The following FBXL5 variants were observed in gnomAD, a reference collection of about 807,000 sequenced individuals.
The protein encoded by FBXL5 is F-box/LRR-repeat protein 5.
A neutral mutation model predicts 78.3 loss-of-function variants in FBXL5; 26 were observed. That is an observed-to-expected ratio of 0.33 (90% CI 0.24 to 0.46). The LOEUF (loss-of-function observed/expected upper bound fraction) is 0.46, where lower values mean the gene tolerates loss of function less well. FBXL5 is among the 20% of genes least tolerant of loss of function. FBXL5 has a pLI of 1.00. For synonymous variants in FBXL5, 295 were observed against 282.5 expected (o/e 1.04, Z -0.45); for missense variants, 710 against 829.2 (o/e 0.86, Z 1.77).
At chr4:15,608,371 T>C (rs1215847588) in intron 10 of FBXL5, among the ~76,000 whole-genome samples, 1 of 152,050 alleles carries the variant, frequency 6.6e-6, no homozygotes, top group Non-Finnish European at 1.5e-5. Context: ...AGGGTCCACA[T>C]GCTCAGTTTC....
intron 1 of FBXL5, among the ~76,000 whole-genome samples, chr4:15,651,320 G>C (rs1463358951): frequency 6.6e-6 from 1 of 152,182 alleles, no homozygotes; most frequent in Admixed American, 6.5e-5. Context: ...AAAATCCTAA[G>C]ATTAAAATTC....
intron 2 of FBXL5, among the ~76,000 whole-genome samples, chr4:15,642,968 T>G (rs1715043839): frequency 6.6e-6 from 1 of 152,192 alleles, no homozygotes; most frequent in South Asian, 2.1e-4. Flanking sequence ...ATCAATTTTA[T>G]TTCCTACATA....
rs1412840769 is a variant in FBXL5, at chr4:15,636,684, A to G, written c.584-8T>C. 5 of 1,534,552 alleles carry G rather than the reference A, an allele frequency of 3.3e-6. No individual in the cohort carries two copies. In the East Asian group the frequency reaches 1.1e-4, roughly 35 times the overall value. On this transcript the variant is annotated splice_region_variant and splice_polypyrimidine_tract_variant and intron_variant, in intron 4 of 10. Transcript: ENST00000341285. The stretch of plus-strand genomic sequence containing the variant: ...GTTCTGACACTTCTGCTTCTGAAAT[A>G]AAAAAGAAAAACTTTACCAGTAAAG...
At chr4:15,627,135 T>A (rs1440707682) in intron 7 of FBXL5, among the ~76,000 whole-genome samples, 180 bp from the exon 8 acceptor site, 7 of 146,054 alleles carry the variant, frequency 4.8e-5, no homozygotes, top group Middle Eastern at 3.5e-3. Flanking sequence ...GAATCTCTTT[T>A]TTTTTTTTTT....
At chr4:15,630,816 A>G (rs1157699236) in intron 5 of FBXL5, 25 bp from the exon 6 acceptor site, 1 of 1,601,726 alleles carries the variant, frequency 6.2e-7, no homozygotes, top group East Asian at 2.2e-5. Context: ...AACAAGTAAA[A>G]GGTTCAAAAT....
upstream of FBXL5, among the ~76,000 whole-genome samples, chr4:15,656,700 G>A (rs1716982518): frequency 6.7e-6 from 1 of 150,026 alleles, no homozygotes; most frequent in South Asian, 2.1e-4. Context: ...CAAGCTATAT[G>A]ACTTCTTTAT....
intron 2 of FBXL5, among the ~76,000 whole-genome samples, chr4:15,642,344 C>A (rs1016332772): frequency 6.6e-6 from 1 of 151,744 alleles, no homozygotes; most frequent in Non-Finnish European, 1.5e-5. Flanking sequence ...GCGATTCTCC[C>A]ACCTCAGTCT....
At chr4:15,672,488 C>G (rs1404897496) in intron 1 of FBXL5, among the ~76,000 whole-genome samples, 2 of 152,220 alleles carry the variant, frequency 1.3e-5, no homozygotes, top group Non-Finnish European at 2.9e-5. Context: ...CAAACCTGTA[C>G]AGCATTCAGT....
chr4:15,615,558 C>T (rs967444403), intron 9 of FBXL5, among the ~76,000 whole-genome samples: 4 of 148,622 alleles, frequency 2.7e-5, no homozygotes, highest in East Asian at 4.0e-4. Context: ...ATACACCAAT[C>T]GGCACTCTGT....
chr4:15,641,551 T>G (rs1422745010), intron 2 of FBXL5: 4 of 450,386 alleles, frequency 8.9e-6, no homozygotes, highest in South Asian at 6.4e-5. Context: ...GTATATATAT[T>G]TTACATATAA....
At chr4:15,642,772 T>A (rs1715025545) in intron 2 of FBXL5, among the ~76,000 whole-genome samples, 1 of 152,218 alleles carries the variant, frequency 6.6e-6, no homozygotes, top group Non-Finnish European at 1.5e-5. Flanking sequence ...ATGAAATCCA[T>A]CTTTACCACC....
At chr4:15,620,461 C>G (rs552536971) in intron 9 of FBXL5, among the ~76,000 whole-genome samples, 122 of 152,258 alleles carry the variant, frequency 8.0e-4, no homozygotes, top group Non-Finnish European at 1.2e-3. Flanking sequence ...TCAAGGAACC[C>G]CAGATACTAA....
chr4:15,646,132 TCAG>T (rs1412324060), intron 1 of FBXL5, among the ~76,000 whole-genome samples: 3 of 152,212 alleles, frequency 2.0e-5, no homozygotes, highest in Non-Finnish European at 4.4e-5. Flanking sequence ...ATTATTTACC[TCAG>T]CAGTTGTAGC....
intron 1 of FBXL5, among the ~76,000 whole-genome samples, 166 bp downstream of exon 1, chr4:15,655,038 C>A (rs973505010): frequency 7.1e-4 from 107 of 151,016 alleles, no homozygotes; most frequent in African/African-American, 2.4e-3. Flanking sequence ...TCGCAGCGGG[C>A]GGGCAGGCTG....
At chr4:15,606,873 T>C (rs1721923630) in intron 10 of FBXL5, among the ~76,000 whole-genome samples, 1 of 152,212 alleles carries the variant, frequency 6.6e-6, no homozygotes, top group South Asian at 2.1e-4. Flanking sequence ...ATTTACTTTT[T>C]ATTTTCTAAA....
chr4:15,630,102 T>C (rs914344739), intron 6 of FBXL5, among the ~76,000 whole-genome samples: 1 of 152,230 alleles, frequency 6.6e-6, no homozygotes. Context: ...ATTTGTGAGT[T>C]GTTTGGAGTA....
intron 9 of FBXL5, among the ~76,000 whole-genome samples, chr4:15,613,164 C>T (rs1398944313): frequency 6.6e-6 from 1 of 151,846 alleles, no homozygotes; most frequent in Non-Finnish European, 1.5e-5. Context: ...GACACCAAGT[C>T]GATTCATGGT....
chr4:15,650,987 G>A (rs1204724502), intron 1 of FBXL5, among the ~76,000 whole-genome samples: 1 of 152,084 alleles, frequency 6.6e-6, no homozygotes, highest in Non-Finnish European at 1.5e-5. Context: ...TTACAGCCTG[G>A]TTTCAAACTG....
upstream of FBXL5, chr4:15,656,171 C>G (rs374863108): frequency 4.4e-5 from 20 of 456,122 alleles, no homozygotes; most frequent in East Asian, 1.1e-3. Context: ...GGGAAAGAAC[C>G]TTGGTACAAA....
Sources: gnomAD v4.1 joint callset for allele counts (sites outside exome capture counted in the v4.1 genomes callset) on GRCh38, gnomAD v4.1.1 for gene constraint, MANE v1.5 for transcripts, NCBI Gene and HGNC (gene_info 2026-07-23, HGNC 2026-07-21) for gene names.